EP300: variants seen among roughly 807,000 people sequenced by gnomAD.
EP300 encodes the protein histone acetyltransferase p300.
EP300 carries 31 observed loss-of-function variants against 264.0 expected under a neutral mutation model. The observed-to-expected ratio is 0.12, with a 90% CI of 0.09 to 0.16. EP300 has a LOEUF of 0.16. Ranked by LOEUF, EP300 falls within the 10% of genes least tolerant of loss-of-function variation. The pLI, the probability that EP300 is intolerant of heterozygous loss-of-function variation, is 1.00. For missense variants in EP300, 2,766 were observed against 3,052.9 expected (o/e 0.91, Z 2.21); for synonymous variants, 1,340 against 1,045.4 (o/e 1.28, Z -5.44).
chr22:41,100,624 C>T (rs2058726640), intron 1 of EP300, among the ~76,000 whole-genome samples: 2 of 152,108 alleles, frequency 1.3e-5, no homozygotes, highest in East Asian at 1.9e-4. Flanking sequence ...ATTCCCTAAA[C>T]AATACAGTGC....
rs2058889850 is a variant in EP300 at position 41,127,504 on chromosome 22, G to A, written c.924G>A (p.Pro308=). 3.7e-6 allele frequency: 6 copies of A among 1,614,126 alleles called. No individual in the cohort carries two copies. Among genetic ancestry groups the A allele is most frequent in the South Asian group, 2.2e-5 (2 of 91,076 alleles). The change falls in exon 4 of 31, where the codon CCG becomes CCA. Residue 308 remains proline, a synonymous_variant. Coordinates refer to ENST00000263253, the MANE Select transcript of EP300 (RefSeq NM_001429.4). ...TCTCTCAGGGTCAACAGCCAGCCCC[G>A]CAGGTCCAGCAGCCAGGCCTGGTGA... The part of the protein sequence containing the change: ...GMPNMGQQPA[P]QVQQPGLVTP...
At position 41,162,365 on chromosome 22, in the gene EP300, T is replaced by A. The variant is rs189192572; in HGVS notation, c.3672-358T>A. Among the ~76,000 whole-genome samples the A allele has an allele frequency of 6.6e-5, 10 of 152,268 alleles. No homozygotes were observed. In the East Asian group the frequency reaches 1.9e-3, roughly 29 times the overall value. On this transcript the variant is annotated intron_variant, in intron 20 of 30. Transcript: ENST00000263253. The stretch of plus-strand genomic sequence containing the variant: ...GGAGAATGGTAAGACTGTTAGCTTT[T>A]GTATGTAGTGAGGCTATGAGCAGTG...
intron 4 of EP300, 65 bp from the exon 5 acceptor site, chr22:41,129,825 A>G: frequency 4.8e-6 from 6 of 1,243,330 alleles, no homozygotes; most frequent in Non-Finnish European, 7.0e-6. Context: ...GTGGTCAACA[A>G]GTTAGCTATT....
rs59721178 is a variant in EP300, at chr22:41,179,880, T to TCACACACACACACACACACACACA, written c.*944_*967dup. ...TCTTCCTCCTTACCCTACCCCCCAC[T>TCACACACACACACACACACACACA]CACACACACACACACACACACACAC... is the stretch of plus-strand genomic sequence containing the variant. On this transcript the variant is annotated 3_prime_UTR_variant, in exon 31 of 31. Transcript: ENST00000263253. 1.3e-5 allele frequency: 2 copies of TCACACACACACACACACACACACA among 158,394 alleles called. 1 individual carries two copies. Among genetic ancestry groups the TCACACACACACACACACACACACA allele is most frequent in the Non-Finnish European group, 2.6e-5 (2 of 75,682 alleles). The allele number at this position is 158,394 out of a possible 1,614,324, so 9.8% of individuals were successfully genotyped here.
At chr22:41,106,383 T>C (rs1187758111) in intron 1 of EP300, among the ~76,000 whole-genome samples, 2 of 152,220 alleles carry the variant, frequency 1.3e-5, no homozygotes, top group Non-Finnish European at 1.5e-5. Flanking sequence ...TGTTTCATTT[T>C]TTAAAAAATT....
rs1386010058 is a variant in EP300 at position 41,157,056 on chromosome 22, C to G, written c.3262-113C>G. The G allele has an allele frequency of 3.0e-6, 4 of 1,320,916 alleles. No individual in the cohort carries two copies. The Admixed American group carries it at 5.7e-5, about 19-fold the overall frequency. The allele number at this position is 1,320,916 out of a possible 1,614,324, so 81.8% of individuals were successfully genotyped here. A position where few individuals can be genotyped will look rare whatever the true frequency, so the allele number is the denominator to read the frequency against. ...TCAGTCACCTCTTGGGGAATATAGA[C>G]AGGCCAGAAACTAAAACACTGCCTG... On this transcript the variant is annotated intron_variant, in intron 17 of 30. Transcript: ENST00000263253.
intron 29 of EP300, 26 bp downstream of exon 29, chr22:41,173,810 G>A (rs1273080102): frequency 6.2e-7 from 1 of 1,613,502 alleles, no homozygotes; most frequent in Non-Finnish European, 8.5e-7. Flanking sequence ...CCAGAGTTGG[G>A]GAAAAACGGC....
intron 1 of EP300, among the ~76,000 whole-genome samples, chr22:41,099,541 G>A (rs1330701245): frequency 1.3e-5 from 2 of 152,152 alleles, no homozygotes; most frequent in Non-Finnish European, 1.5e-5. Context: ...TGTGATGTTT[G>A]CAGTTTGAGG....
At chr22:41,097,501 A>T (rs2058708720) in intron 1 of EP300, among the ~76,000 whole-genome samples, 1 of 152,236 alleles carries the variant, frequency 6.6e-6, no homozygotes, top group Non-Finnish European at 1.5e-5. Context: ...TGGTATTTGT[A>T]GGGACATTAA....
intron 19 of EP300, 98 bp downstream of exon 19, chr22:41,158,598 T>C (rs1199585396): frequency 2.0e-6 from 2 of 982,358 alleles, no homozygotes; most frequent in Admixed American, 1.9e-5. Flanking sequence ...TTCATGTGTA[T>C]CTTGCTTGAA....
intron 3 of EP300, among the ~76,000 whole-genome samples, chr22:41,126,486 A>G (rs1417506475): frequency 2.6e-5 from 4 of 152,180 alleles, no homozygotes; most frequent in Non-Finnish European, 4.4e-5. Flanking sequence ...TTAAACAGCA[A>G]TTTTTGTTAA....
chr22:41,121,887 C>T (rs1211146461), intron 2 of EP300, among the ~76,000 whole-genome samples: 1 of 152,116 alleles, frequency 6.6e-6, no homozygotes, highest in African/African-American at 2.4e-5. Context: ...GATAGAATGA[C>T]TTTCATACTA....
At chr22:41,137,207 A>G (rs963606860) in intron 7 of EP300, among the ~76,000 whole-genome samples, 8 of 151,164 alleles carry the variant, frequency 5.3e-5, no homozygotes, top group Non-Finnish European at 1.2e-4. Context: ...AAAATACAAA[A>G]TTAGCCGGAC....
At chr22:41,166,694 T>C in intron 23 of EP300, 28 bp downstream of exon 23, 1 of 1,554,182 alleles carries the variant, frequency 6.4e-7, no homozygotes, top group East Asian at 2.3e-5. Flanking sequence ...AGGTAAATTT[T>C]GGCAAAACTT....
At chr22:41,124,404 A>G (rs1042401458) in intron 2 of EP300, among the ~76,000 whole-genome samples, 1 of 152,198 alleles carries the variant, frequency 6.6e-6, no homozygotes, top group Non-Finnish European at 1.5e-5. Context: ...CAGAATCAGA[A>G]GTTTTAAAAA....
At chr22:41,158,306 A>T in intron 18 of EP300, 106 bp from the exon 19 acceptor site, 1 of 818,988 alleles carries the variant, frequency 1.2e-6, no homozygotes, top group Non-Finnish European at 2.1e-6. Flanking sequence ...TATTAACATA[A>T]ATGAGAACTA....
chr22:41,154,479 T>C (rs1437206332), intron 16 of EP300, among the ~76,000 whole-genome samples: 1 of 146,488 alleles, frequency 6.8e-6, no homozygotes, highest in Non-Finnish European at 1.5e-5. Context: ...CCTCCCGAGT[T>C]CAAGCAGTTC....
intron 1 of EP300, among the ~76,000 whole-genome samples, chr22:41,110,271 A>ATCCAGC (rs2058782261): frequency 7.7e-6 from 1 of 130,666 alleles, no homozygotes; most frequent in African/African-American, 3.0e-5. Flanking sequence ...GCATGCCAGC[A>ATCCAGC]TATCCAGCTA....
In EP300 at chr22:41,103,973, C is replaced by T. The variant is rs568501258; in HGVS notation, c.94+10875C>T. On this transcript the variant is annotated intron_variant, in intron 1 of 30. Coordinates refer to ENST00000263253, the MANE Select transcript of EP300 (RefSeq NM_001429.4). ...TTGTTTATTTTGTTCAAGATCCATGCTTGGTTTGCCAGTTGTTATAAATGT... is the reference window on the plus strand; with the variant it reads ...TTGTTTATTTTGTTCAAGATCCATGTTTGGTTTGCCAGTTGTTATAAATGT... Among the ~76,000 whole-genome samples the T allele has an allele frequency of 7.2e-5, 11 of 152,248 alleles. No individual in the cohort carries two copies. The East Asian group carries it at 2.1e-3, about 29-fold the overall frequency.
Sources: allele counts gnomAD v4.1 joint callset (sites outside exome capture counted in the v4.1 genomes callset), GRCh38; gene constraint gnomAD v4.1.1; transcripts MANE v1.5; gene names NCBI Gene and HGNC (gene_info 2026-07-23, HGNC 2026-07-21).